The following TXNL4A variants were observed in gnomAD, a reference collection of about 807,000 sequenced individuals.
TXNL4A encodes the protein thioredoxin like 4A, also known as thioredoxin-like protein 4A.
A neutral mutation model predicts 14.6 loss-of-function variants in TXNL4A; 17 were observed. That is an observed-to-expected ratio of 1.16 (90% CI 0.80 to 1.74). The LOEUF (loss-of-function observed/expected upper bound fraction) is 1.74. Ranked by LOEUF, TXNL4A falls within the 40% of genes most tolerant of loss-of-function variation. The pLI is 0.00. For synonymous variants in TXNL4A, 83 were observed against 70.6 expected (o/e 1.18, Z -0.88); for missense variants, 74 against 195.2 (o/e 0.38, Z 3.70).
intron 1 of TXNL4A, among the ~76,000 whole-genome samples, chr18:80,031,485 A>T (rs2145134022): frequency 6.6e-6 from 1 of 152,328 alleles, no homozygotes; most frequent in South Asian, 2.1e-4. Context: ...AAAAACAGCA[A>T]ACCTTTTTCA....
At chr18:80,028,569 T>C (rs1385405159) in intron 1 of TXNL4A, among the ~76,000 whole-genome samples, 1 of 139,952 alleles carries the variant, frequency 7.1e-6, no homozygotes, top group Non-Finnish European at 1.6e-5. Flanking sequence ...TAGAATGGTA[T>C]ACAGATGGGT....
intron 1 of TXNL4A, among the ~76,000 whole-genome samples, chr18:79,987,847 G>A (rs1379643436): frequency 6.6e-6 from 1 of 152,210 alleles, no homozygotes. Context: ...CCTGCTTTAT[G>A]CATACAACGA....
Position 79,982,856 on chromosome 18 carries a change from T to G in TXNL4A, c.154-5155A>C, listed in dbSNP as rs959697407. Among the ~76,000 whole-genome samples, 2 of 151,992 alleles carry G rather than the reference T, an allele frequency of 1.3e-5. No individual in the cohort carries two copies. The highest frequency in any genetic ancestry group is 1.3e-4 in the Admixed American group (2 of 15,250). On this transcript the variant is annotated intron_variant, in intron 1 of 2. Transcript: ENST00000269601. This position sits in a 1 kb window ranked among gnomAD's most constrained non-coding sequence, Gnocchi z 4.0. ...CATCTGTGGGGTGACTGGAGGAGCATGAGCTGAGGGCAAACATCAGCAAAC... is the reference window on the plus strand; with the variant it reads ...CATCTGTGGGGTGACTGGAGGAGCAGGAGCTGAGGGCAAACATCAGCAAAC...
intron 1 of TXNL4A, among the ~76,000 whole-genome samples, chr18:80,003,425 G>T (rs958353406): frequency 1.3e-5 from 2 of 152,232 alleles, no homozygotes; most frequent in Non-Finnish European, 2.9e-5. Context: ...GTTTTTGCAT[G>T]ACTTAGTTCC....
intron 1 of TXNL4A, among the ~76,000 whole-genome samples, chr18:80,008,922 C>T (rs1247556780): frequency 2.0e-5 from 3 of 152,286 alleles, no homozygotes; most frequent in African/African-American, 4.8e-5. Context: ...GGATTACAGG[C>T]GTGAGCCACC....
intron 1 of TXNL4A, among the ~76,000 whole-genome samples, chr18:79,996,274 T>A (rs1243764396): frequency 9.2e-5 from 14 of 152,176 alleles, no homozygotes; most frequent in Admixed American, 9.2e-4. Context: ...GAGAGATTGA[T>A]ATAATGATAA....
intron 1 of TXNL4A, among the ~76,000 whole-genome samples, chr18:79,985,594 C>T (rs2051534964): frequency 6.6e-6 from 1 of 152,244 alleles, no homozygotes; most frequent in Admixed American, 6.5e-5. Flanking sequence ...AATGAATTGC[C>T]CCACATTTAT....
intron 1 of TXNL4A, among the ~76,000 whole-genome samples, chr18:80,000,537 A>C (rs574766215): frequency 1.3e-5 from 2 of 152,354 alleles, no homozygotes; most frequent in African/African-American, 4.8e-5. Flanking sequence ...AACAGCATAA[A>C]AGTTTAGAAA....
Position 79,971,474 on chromosome 18 carries a change from C to G in TXNL4A, c.*2211G>C, listed in dbSNP as rs1055331930. The G allele has an allele frequency of 3.0e-4, 45 of 152,208 alleles. 1 individual carries two copies. The allele number at this position is 152,208 out of a possible 1,614,324, so 9.4% of individuals were successfully genotyped here. A position where few individuals can be genotyped will look rare whatever the true frequency, so the allele number is the denominator to read the frequency against. ...CGCCGAGTAGCTGGGCCCACAGGCACGCACCACCATGCCCAGCTAATTGTT... is the reference window on the plus strand; with the variant it reads ...CGCCGAGTAGCTGGGCCCACAGGCAGGCACCACCATGCCCAGCTAATTGTT... On this transcript the variant is annotated 3_prime_UTR_variant, in exon 3 of 3. Coordinates refer to ENST00000269601, the MANE Select transcript of TXNL4A (RefSeq NM_006701.5).
At chr18:80,033,459 G>A (rs1378018480) in intron 1 of TXNL4A, among the ~76,000 whole-genome samples, 1 of 152,224 alleles carries the variant, frequency 6.6e-6, no homozygotes, top group African/African-American at 2.4e-5. Context: ...CGGGCGGGGC[G>A]AGACCACTTC....
chr18:80,021,004 G>T (rs974890100), intron 1 of TXNL4A, among the ~76,000 whole-genome samples: 5 of 152,162 alleles, frequency 3.3e-5, no homozygotes, highest in Non-Finnish European at 5.9e-5. Context: ...GCCTTCTTGA[G>T]AAACCCCCTC....
intron 1 of TXNL4A, among the ~76,000 whole-genome samples, chr18:79,983,017 T>G (rs1181890470): frequency 2.0e-5 from 3 of 152,138 alleles, no homozygotes; most frequent in Non-Finnish European, 2.9e-5. Flanking sequence ...TCTTTTCTTT[T>G]TTAGATGGGA....
intron 2 of TXNL4A, among the ~76,000 whole-genome samples, chr18:79,975,235 T>C (rs1021103210): frequency 1.3e-5 from 2 of 152,222 alleles, no homozygotes; most frequent in African/African-American, 4.8e-5. Context: ...TCAGACAACG[T>C]CCTATGAGAG....
intron 1 of TXNL4A, among the ~76,000 whole-genome samples, chr18:79,996,488 T>TG (rs1235512378): frequency 6.6e-6 from 1 of 152,222 alleles, no homozygotes; most frequent in African/African-American, 2.4e-5. Flanking sequence ...GCTCTAAGTG[T>TG]GACATGCTCC....
chr18:80,030,598 T>C (rs1192192873), intron 1 of TXNL4A: 1 of 152,194 alleles, frequency 6.6e-6, no homozygotes, highest in Non-Finnish European at 1.5e-5. Flanking sequence ...TACCAAAAAT[T>C]TATTACATCA....
chr18:80,009,192 T>G (rs939706088), intron 1 of TXNL4A, among the ~76,000 whole-genome samples: 1 of 152,222 alleles, frequency 6.6e-6, no homozygotes, highest in Non-Finnish European at 1.5e-5. Context: ...ACTTTTTTTT[T>G]GTAAATTAAG....
chr18:80,014,584 G>A (rs1357202428), intron 1 of TXNL4A, among the ~76,000 whole-genome samples: 1 of 152,196 alleles, frequency 6.6e-6, no homozygotes, highest in African/African-American at 2.4e-5. Context: ...GCTTTGCAGG[G>A]TACAGCCTCC....
At chr18:79,999,998 T>C (rs2051688636) in intron 1 of TXNL4A, among the ~76,000 whole-genome samples, 1 of 152,218 alleles carries the variant, frequency 6.6e-6, no homozygotes, top group African/African-American at 2.4e-5. Context: ...TCCCCAGCCA[T>C]GTGAAACTGT....
intron 2 of TXNL4A, 139 bp from the exon 3 acceptor site, chr18:79,973,995 C>T: frequency 8.6e-7 from 1 of 1,167,548 alleles, no homozygotes; most frequent in Non-Finnish European, 1.2e-6. Context: ...AGAGTGTATG[C>T]CATGATGCAG....
Sources: allele counts gnomAD v4.1 joint callset (sites outside exome capture counted in the v4.1 genomes callset), GRCh38; gene constraint gnomAD v4.1.1; non-coding constraint Gnocchi (gnomAD v3.1); transcripts MANE v1.5; gene names NCBI Gene and HGNC (gene_info 2026-07-23, HGNC 2026-07-21).